KCTD6: variants seen among roughly 807,000 people sequenced by gnomAD.
KCTD6 encodes the protein BTB/POZ domain-containing protein KCTD6.
In KCTD6, 6 loss-of-function variants were observed where a neutral mutation model predicts 18.7. That is an observed-to-expected ratio of 0.32 (90% CI 0.18 to 0.63). KCTD6 has a LOEUF of 0.63. Among genes scored for constraint, KCTD6 ranks in the 30% least tolerant of loss-of-function variants. The probability of loss-of-function intolerance (pLI) is 0.79; values close to 1 mark genes in which losing one functional copy is unlikely to be tolerated. For missense variants in KCTD6, 165 were observed against 300.2 expected (o/e 0.55, Z 3.33); for synonymous variants, 86 against 108.5 (o/e 0.79, Z 1.29).
intron 1 of KCTD6, among the ~76,000 whole-genome samples, chr3:58,495,036 T>A (rs2063169788): frequency 6.6e-6 from 1 of 152,226 alleles, no homozygotes; most frequent in Admixed American, 6.5e-5. Flanking sequence ...GGTCAGAGGC[T>A]TCTTTGAATT....
At position 58,498,738 on chromosome 3, in the gene KCTD6, G is replaced by T. The variant is rs2063190817; in HGVS notation, c.-18G>T. ...TTTCCCTGAAACCTGGGCTCTTGAAGACGCATCACTGGAGCAGATGGATAA... is the reference window on the plus strand; with the variant it reads ...TTTCCCTGAAACCTGGGCTCTTGAATACGCATCACTGGAGCAGATGGATAA... On this transcript the variant is annotated 5_prime_UTR_variant, in exon 2 of 3. Coordinates refer to ENST00000404589, the MANE Select transcript of KCTD6 (RefSeq NM_001128214.2). This position sits in a 1 kb window ranked among gnomAD's most constrained non-coding sequence, Gnocchi z 4.6. 2 of 1,609,666 alleles carry T rather than the reference G, an allele frequency of 1.2e-6. No individual in the cohort carries two copies. Among genetic ancestry groups the T allele is most frequent in the South Asian group, 1.1e-5 (1 of 90,672 alleles).
In KCTD6 at chr3:58,501,687, G is replaced by T. The variant is rs991423728; in HGVS notation, c.*55G>T. Reference sequence around the variant, plus strand: ...GACTCTCCAGGAAATGGAAGATACTGATTTTTTTTTTTAAATCACAGTGTG... The same window carrying T: ...GACTCTCCAGGAAATGGAAGATACTTATTTTTTTTTTTAAATCACAGTGTG... On this transcript the variant is annotated 3_prime_UTR_variant, in exon 3 of 3. Coordinates refer to ENST00000404589, the MANE Select transcript of KCTD6 (RefSeq NM_001128214.2). This position sits in a 1 kb window ranked among gnomAD's most constrained non-coding sequence, Gnocchi z 9.7. The T allele has an allele frequency of 9.4e-6, 11 of 1,169,304 alleles. No individual in the cohort carries two copies. Among genetic ancestry groups the T allele is most frequent in the Admixed American group, 7.6e-5 (2 of 26,400 alleles). The allele number at this position is 1,169,304 out of a possible 1,614,324, so 72.4% of individuals were successfully genotyped here. A position where few individuals can be genotyped will look rare whatever the true frequency, so the allele number is the denominator to read the frequency against.
At position 58,493,345 on chromosome 3, in the gene KCTD6, A is replaced by G. The variant is rs913617360; in HGVS notation, c.-44+1176A>G. ...GCCATTCCAAAGTTTTGTGATTTGA[A>G]TTTTCATAAATCATATTTTAACCAA... On this transcript the variant is annotated intron_variant, in intron 1 of 2. Transcript: ENST00000404589. This position sits in a 1 kb window ranked among gnomAD's most constrained non-coding sequence, Gnocchi z 4.5. Among the ~76,000 whole-genome samples, 4 of 152,198 alleles carry G rather than the reference A, an allele frequency of 2.6e-5. No individual in the cohort carries two copies. Among genetic ancestry groups the G allele is most frequent in the African/African-American group, 9.6e-5 (4 of 41,452 alleles).
Position 58,501,206 on chromosome 3 carries a change from C to T in KCTD6, c.288C>T (p.Tyr96=). Residue 96 remains tyrosine, a synonymous_variant, in exon 3 of 3, where the codon TAC becomes TAT. Coordinates refer to ENST00000404589, the MANE Select transcript of KCTD6 (RefSeq NM_001128214.2). This position sits in a 1 kb window ranked among gnomAD's most constrained non-coding sequence, Gnocchi z 9.7. ...TGCTTCGGAAAGAAGCAGATTTTTA[C>T]CAGATTGAGCCCTTGATTCAGTGTC... ...FDLLRKEADF[Y]QIEPLIQCLN... is the part of the protein sequence containing the mutation. The T allele has an allele frequency of 6.2e-7, 1 of 1,614,134 alleles. No homozygotes were observed. The highest frequency in any genetic ancestry group is 8.5e-7 in the Non-Finnish European group (1 of 1,179,990).
At chr3:58,494,964 G>GT (rs2063169505) in intron 1 of KCTD6, among the ~76,000 whole-genome samples, 1 of 152,128 alleles carries the variant, frequency 6.6e-6, no homozygotes, top group Non-Finnish European at 1.5e-5. Context: ...GGGCAGTGTT[G>GT]TTTTCACAAG....
rs1017050963 is a variant in KCTD6, at chr3:58,496,054, T to C, written c.-43-2659T>C. Among the ~76,000 whole-genome samples, 5 of 152,172 alleles carry C rather than the reference T, an allele frequency of 3.3e-5. No individual in the cohort carries two copies. The highest frequency in any genetic ancestry group is 7.4e-5 in the Non-Finnish European group (5 of 68,018). On this transcript the variant is annotated intron_variant, in intron 1 of 2. Coordinates refer to ENST00000404589, the MANE Select transcript of KCTD6 (RefSeq NM_001128214.2). This position sits in a 1 kb window ranked among gnomAD's most constrained non-coding sequence, Gnocchi z 5.1. The stretch of plus-strand genomic sequence containing the variant: ...ATTTAATCATTTGGATATTCACGGA[T>C]TGGAGTTCTTTATGTCACTACAGAC...
At chr3:58,500,904 T>G (rs1309878417) in intron 2 of KCTD6, 42 bp from the exon 3 acceptor site, 2 of 1,306,470 alleles carry the variant, frequency 1.5e-6, no homozygotes, top group East Asian at 4.6e-5. Flanking sequence ...AAGTTAGTAT[T>G]TAAAAATTTC....
Position 58,492,845 on chromosome 3 carries a change from A to T in KCTD6, c.-44+676A>T, listed in dbSNP as rs958806319. On this transcript the variant is annotated intron_variant, in intron 1 of 2. Coordinates refer to ENST00000404589, the MANE Select transcript of KCTD6 (RefSeq NM_001128214.2). This position sits in a 1 kb window ranked among gnomAD's most constrained non-coding sequence, Gnocchi z 6.1. ...GTCTGGGGGTGGGACGGGGAAATGA[A>T]ACGTGACAGAGATCCTGTTTGGATA... Among the ~76,000 whole-genome samples the T allele has an allele frequency of 2.6e-5, 4 of 152,124 alleles. No individual in the cohort carries two copies. Among genetic ancestry groups the T allele is most frequent in the African/African-American group, 7.2e-5 (3 of 41,426 alleles).
Position 58,498,700 on chromosome 3 carries a change from TCTC to T in KCTD6, c.-43-9_-43-7del. On this transcript the variant is annotated splice_polypyrimidine_tract_variant and intron_variant, in intron 1 of 2. Transcript: ENST00000404589. This position sits in a 1 kb window ranked among gnomAD's most constrained non-coding sequence, Gnocchi z 4.6. ...ATATATGCTATCATATGTCTGTTTTTCTCCTCTTGAAGTTTCCCTGAAACCTGG... is the reference window on the plus strand; with the variant it reads ...ATATATGCTATCATATGTCTGTTTTTCTCTTGAAGTTTCCCTGAAACCTGG... 1 of 1,390,388 alleles carries T rather than the reference TCTC, an allele frequency of 7.2e-7. No individual in the cohort carries two copies. Among genetic ancestry groups the T allele is most frequent in the Non-Finnish European group, 1.0e-6 (1 of 979,562 alleles). The allele number at this position is 1,390,388 out of a possible 1,614,324, so 86.1% of individuals were successfully genotyped here.
At position 58,498,656 on chromosome 3, in the gene KCTD6, C is replaced by CCTAG; in HGVS notation, c.-43-57_-43-56insCTAG. On this transcript the variant is annotated intron_variant, in intron 1 of 2. Transcript: ENST00000404589. This position sits in a 1 kb window ranked among gnomAD's most constrained non-coding sequence, Gnocchi z 4.6. ...CCTCTGTTGGGTGGAAAAAGACTTT[C>CCTAG]TTCTCTATTTTCCTAGTTATATATG... 2 of 928,870 alleles carry CCTAG rather than the reference C, an allele frequency of 2.2e-6. No individual in the cohort carries two copies. Among genetic ancestry groups the CCTAG allele is most frequent in the Non-Finnish European group, 3.5e-6 (2 of 571,368 alleles). 57.5% of individuals were successfully genotyped at this position (928,870 alleles called of 1,614,324 possible).
At chr3:58,499,444 T>C (rs2063194701) in intron 2 of KCTD6, among the ~76,000 whole-genome samples, 1 of 152,152 alleles carries the variant, frequency 6.6e-6, no homozygotes, top group South Asian at 2.1e-4. Context: ...CTTGCATTTT[T>C]TGTGTGTGCA....
At chr3:58,495,228 T>A (rs2107973705) in intron 1 of KCTD6, among the ~76,000 whole-genome samples, 1 of 152,354 alleles carries the variant, frequency 6.6e-6, no homozygotes, top group Non-Finnish European at 1.5e-5. Flanking sequence ...CATTTCAAGA[T>A]CTTCCTTCTG....
chr3:58,497,565 G>T lies in KCTD6; in HGVS notation c.-43-1148G>T, dbSNP rs2063179981. Among the ~76,000 whole-genome samples, 1 of 152,154 alleles carries T rather than the reference G, an allele frequency of 6.6e-6. No homozygotes were observed. Among genetic ancestry groups the T allele is most frequent in the African/African-American group, 2.4e-5 (1 of 41,420 alleles). On this transcript the variant is annotated intron_variant, in intron 1 of 2. Transcript: ENST00000404589. This position sits in a 1 kb window ranked among gnomAD's most constrained non-coding sequence, Gnocchi z 4.2. The stretch of plus-strand genomic sequence containing the variant: ...ACTGACTAAGGCAGTTCAGTAGCTG[G>T]GAAACTGTTTGTTTAAATGCTTTTG...
intron 2 of KCTD6, among the ~76,000 whole-genome samples, chr3:58,499,334 T>C (rs1399922851): frequency 6.6e-6 from 1 of 152,184 alleles, no homozygotes; most frequent in Non-Finnish European, 1.5e-5. Context: ...CTGAAGACTC[T>C]TTCTTCATGA....
rs1411221719 is a variant in KCTD6, at chr3:58,493,737, C to T, written c.-44+1568C>T. ...TCACACTCAAGTTTCTCATGTTAAC[C>T]TAGAAATTTTGTTTATGCTGCTGCC... On this transcript the variant is annotated intron_variant, in intron 1 of 2. Transcript: ENST00000404589. The surrounding 1 kb of genome is among the most constrained non-coding windows in gnomAD (Gnocchi z 4.5). Among the ~76,000 whole-genome samples, 2 of 152,294 alleles carry T rather than the reference C, an allele frequency of 1.3e-5. No homozygotes were observed. Among genetic ancestry groups the T allele is most frequent in the Admixed American group, 6.5e-5 (1 of 15,306 alleles).
intron 1 of KCTD6, among the ~76,000 whole-genome samples, chr3:58,495,872 A>ATT (rs78140499): frequency 1.8e-4 from 25 of 136,322 alleles, no homozygotes; most frequent in South Asian, 2.4e-4. Flanking sequence ...ACATCGTCTA[A>ATT]TTTTTTTTTT....
chr3:58,496,732 A>G lies in KCTD6; in HGVS notation c.-43-1981A>G, dbSNP rs1004137199. ...CATTGCATGTTGCCTTCCATTATAG[A>G]TGGAAAGCTCCATGAGGGCAAAGAT... On this transcript the variant is annotated intron_variant, in intron 1 of 2. Coordinates refer to ENST00000404589, the MANE Select transcript of KCTD6 (RefSeq NM_001128214.2). This position sits in a 1 kb window ranked among gnomAD's most constrained non-coding sequence, Gnocchi z 5.1. Among the ~76,000 whole-genome samples, 1 of 152,152 alleles carries G rather than the reference A, an allele frequency of 6.6e-6. No individual in the cohort carries two copies. Among genetic ancestry groups the G allele is most frequent in the African/African-American group, 2.4e-5 (1 of 41,422 alleles).
In KCTD6 at chr3:58,498,329, G is replaced by C. The variant is rs1349730044; in HGVS notation, c.-43-384G>C. 1 of 158,764 alleles carries C rather than the reference G, an allele frequency of 6.3e-6. No homozygotes were observed. Among genetic ancestry groups the C allele is most frequent in the Non-Finnish European group, 1.4e-5 (1 of 72,952 alleles). The allele number at this position is 158,764 out of a possible 1,614,324, so 9.8% of individuals were successfully genotyped here. ...TTTTGGTGAGGACCATTATAGGTTT[G>C]TACCAGGATAAGGTTGTAGAGTTAA... On this transcript the variant is annotated intron_variant, in intron 1 of 2. Transcript: ENST00000404589. The surrounding 1 kb of genome is among the most constrained non-coding windows in gnomAD (Gnocchi z 4.6).
Position 58,501,598 on chromosome 3 carries a change from C to T in KCTD6, c.680C>T (p.Thr227Ile). 1.5e-6 allele frequency: 2 copies of T among 1,373,658 alleles called. No homozygotes were observed. Among genetic ancestry groups the T allele is most frequent in the Non-Finnish European group, 1.9e-6 (2 of 1,057,970 alleles). 85.1% of individuals were successfully genotyped at this position (1,373,658 alleles called of 1,614,324 possible). A position where few individuals can be genotyped will look rare whatever the true frequency, so the allele number is the denominator to read the frequency against. ...ANENTVEHNW[T>I]FCRLARKTDD ...GAAAACACAGTGGAGCACAACTGGA[C>T]TTTCTGTAGGCTAGCCCGGAAGACA... The change falls in exon 3 of 3, where the codon ACT becomes ATT. Residue 227 changes from threonine (T) to isoleucine (I), a missense_variant. By Grantham distance (89) the Thr-to-Ile change is moderately conservative. Coordinates refer to ENST00000404589, the MANE Select transcript of KCTD6 (RefSeq NM_001128214.2). The surrounding 1 kb of genome is among the most constrained non-coding windows in gnomAD (Gnocchi z 9.7).
Sources: gnomAD v4.1 joint callset for allele counts (sites outside exome capture counted in the v4.1 genomes callset) on GRCh38, gnomAD v4.1.1 for gene constraint, Gnocchi (gnomAD v3.1) non-coding constraint, MANE v1.5 for transcripts, NCBI Gene and HGNC (gene_info 2026-07-23, HGNC 2026-07-21) for gene names.